KDM4B: variants seen among roughly 807,000 people sequenced by gnomAD.
KDM4B encodes the protein lysine demethylase 4B.
In KDM4B, 32 loss-of-function variants were observed where a neutral mutation model predicts 125.2. That is an observed-to-expected ratio of 0.26 (90% CI 0.19 to 0.34). KDM4B has a LOEUF of 0.34. Ranked by LOEUF, KDM4B falls within the 10% of genes least tolerant of loss-of-function variation. The pLI, the probability that KDM4B is intolerant of heterozygous loss-of-function variation, is 1.00. For synonymous variants in KDM4B, 721 were observed against 677.9 expected (o/e 1.06, Z -0.99); for missense variants, 1,190 against 1,577.7 (o/e 0.75, Z 4.16).
intron 11 of KDM4B, among the ~76,000 whole-genome samples, chr19:5,128,841 T>C (rs1285957914): frequency 4.6e-5 from 4 of 87,146 alleles, no homozygotes; most frequent in Non-Finnish European, 6.3e-5. Context: ...AGGGGCCAGA[T>C]AACAGTGGAG....
chr19:5,038,811 C>T lies in KDM4B; in HGVS notation c.142-1025C>T, dbSNP rs144360438. Among the ~76,000 whole-genome samples the T allele has an allele frequency of 7.5e-3, 1,136 of 152,384 alleles. 11 individuals are homozygous for T. Among genetic ancestry groups the T allele is most frequent in the African/African-American group, 0.026 (1,081 of 41,592 alleles). On this transcript the variant is annotated intron_variant, in intron 3 of 22. Transcript: ENST00000159111. ...GCACGCTCTGCACAGTGCCCAGCTC[C>T]GCACAGCTCCTGTCCTGCCTCACGG...
chr19:5,118,056 C>T (rs1390574397), intron 10 of KDM4B, among the ~76,000 whole-genome samples: 1 of 152,102 alleles, frequency 6.6e-6, no homozygotes. Context: ...TCCAAGTGTC[C>T]CGAGGGAGCA....
intron 10 of KDM4B, chr19:5,112,688 C>T (rs1271156625): frequency 6.6e-6 from 1 of 152,384 alleles, no homozygotes; most frequent in Non-Finnish European, 1.5e-5. Context: ...CCTCCTCTGT[C>T]TTCCCCACCT....
chr19:5,026,724 G>C (rs1014765705), intron 2 of KDM4B, among the ~76,000 whole-genome samples: 1 of 152,168 alleles, frequency 6.6e-6, no homozygotes, highest in South Asian at 2.1e-4. Flanking sequence ...GTGGGCACAA[G>C]GCAGTTTTGT....
At chr19:5,060,333 G>GGA (rs2037546161) in intron 6 of KDM4B, among the ~76,000 whole-genome samples, 1 of 150,878 alleles carries the variant, frequency 6.6e-6, no homozygotes, top group Non-Finnish European at 1.5e-5. Flanking sequence ...CAGCTACTCG[G>GGA]GAGGCTGAGA....
chr19:5,103,599 C>T (rs1407159293), intron 9 of KDM4B, among the ~76,000 whole-genome samples: 1 of 152,206 alleles, frequency 6.6e-6, no homozygotes, highest in African/African-American at 2.4e-5. Context: ...TCCAGGTCCC[C>T]TGAACTCGAC....
rs1017700161 is a variant in KDM4B at position 5,122,246 on chromosome 19, G to A, written c.1315+2394G>A. Among the ~76,000 whole-genome samples, 30 of 152,272 alleles carry A rather than the reference G, an allele frequency of 2.0e-4. 1 individual carries two copies. The highest frequency in any genetic ancestry group is 1.9e-3 in the Admixed American group (29 of 15,298). On this transcript the variant is annotated intron_variant, in intron 11 of 22. Coordinates refer to ENST00000159111, the MANE Select transcript of KDM4B (RefSeq NM_015015.3). Reference sequence around the variant, plus strand: ...CAGAGCCCCTTCCTCCTCCTTCACAGCCACAGTGCAGCCTCTTCCGGTCTC... The same window carrying A: ...CAGAGCCCCTTCCTCCTCCTTCACAACCACAGTGCAGCCTCTTCCGGTCTC...
chr19:5,067,874 C>T (rs1380344689), intron 6 of KDM4B, among the ~76,000 whole-genome samples: 1 of 152,062 alleles, frequency 6.6e-6, no homozygotes, highest in Non-Finnish European at 1.5e-5. Context: ...CCTGGGGTCA[C>T]GGGCAGGCAA....
At chr19:5,034,350 A>T (rs945487012) in intron 3 of KDM4B, among the ~76,000 whole-genome samples, 14 of 152,158 alleles carry the variant, frequency 9.2e-5, no homozygotes, top group Non-Finnish European at 2.9e-5. Context: ...GTTGGCGGGC[A>T]GTCTCTACAC....
Position 5,110,602 on chromosome 19 carries a change from G to T in KDM4B, c.919-20G>T. On this transcript the variant is annotated intron_variant, in intron 9 of 22. Coordinates refer to ENST00000159111, the MANE Select transcript of KDM4B (RefSeq NM_015015.3). ...CGTCCAGGTGTGGCGCGAGGGCTCA[G>T]ACCGTGTCCCCTGCCGCAGTGCACG... 1 of 1,612,454 alleles carries T rather than the reference G, an allele frequency of 6.2e-7. No individual in the cohort carries two copies. Among genetic ancestry groups the T allele is most frequent in the South Asian group, 1.1e-5 (1 of 90,920 alleles).
chr19:5,019,582 GTGT>G (rs1162282236), intron 2 of KDM4B, among the ~76,000 whole-genome samples: 2 of 148,872 alleles, frequency 1.3e-5, no homozygotes, highest in African/African-American at 5.0e-5. Flanking sequence ...TGGTGTGCAG[GTGT>G]TGGTGTGCGG....
chr19:4,990,534 G>T (rs1472342101), intron 1 of KDM4B, among the ~76,000 whole-genome samples: 2 of 152,208 alleles, frequency 1.3e-5, no homozygotes, highest in African/African-American at 4.8e-5. Context: ...TCCTGGGGCC[G>T]TGGAGAGCTC....
At chr19:5,059,477 G>A (rs1486231052) in intron 6 of KDM4B, among the ~76,000 whole-genome samples, 2 of 152,204 alleles carry the variant, frequency 1.3e-5, no homozygotes, top group East Asian at 1.9e-4. Flanking sequence ...AAACCCTCCC[G>A]GAGCTCCAGA....
Position 5,100,405 on chromosome 19 carries a change from TTTG to T in KDM4B, c.919-10194_919-10192del, listed in dbSNP as rs141464434. 1.6e-3 allele frequency among the ~76,000 whole-genome samples: 243 copies of T among 152,152 alleles called. 2 individuals carry two copies. Among genetic ancestry groups the T allele is most frequent in the Non-Finnish European group, 2.7e-3 (186 of 67,976 alleles). On this transcript the variant is annotated intron_variant, in intron 9 of 22. Transcript: ENST00000159111. ...CGTTTTCTACGTTGTCTTTTTTGTT[TTTG>T]TTGTTGTTGTTGTTGTTGTTGTCTT... is the stretch of plus-strand genomic sequence containing the variant.
chr19:5,000,903 G>A (rs753712207), intron 1 of KDM4B, among the ~76,000 whole-genome samples: 169 of 152,264 alleles, frequency 1.1e-3, no homozygotes, highest in African/African-American at 2.0e-3. Context: ...AGGCATGGGC[G>A]GAGAAGTGTC....
chr19:5,045,687 A>G lies in KDM4B; in HGVS notation c.433-1789A>G, dbSNP rs186476039. On this transcript the variant is annotated intron_variant, in intron 5 of 22. Coordinates refer to ENST00000159111, the MANE Select transcript of KDM4B (RefSeq NM_015015.3). ...ATGGGGTTTCACCATGTTGGCCAGG[A>G]TGGTCTCAATCTCTTGACTTCGTGA... is the stretch of plus-strand genomic sequence containing the variant. Among the ~76,000 whole-genome samples the G allele has an allele frequency of 1.1e-4, 17 of 151,940 alleles. No individual in the cohort carries two copies. In the East Asian group the frequency reaches 2.1e-3, roughly 19 times the overall value.
Position 5,085,620 on chromosome 19 carries a change from C to T in KDM4B, c.918+3116C>T, listed in dbSNP as rs145630055. On this transcript the variant is annotated intron_variant, in intron 9 of 22. Coordinates refer to ENST00000159111, the MANE Select transcript of KDM4B (RefSeq NM_015015.3). Reference sequence around the variant, plus strand: ...CAAGTGGCGTGCAGCGCTCGAAACACACCAGGGGTTCCAGGCAGGCGCCCA... The same window carrying T: ...CAAGTGGCGTGCAGCGCTCGAAACATACCAGGGGTTCCAGGCAGGCGCCCA... Among the ~76,000 whole-genome samples, 655 of 152,370 alleles carry T rather than the reference C, an allele frequency of 4.3e-3. 1 individual carries two copies. Among genetic ancestry groups the T allele is most frequent in the Non-Finnish European group, 6.4e-3 (436 of 68,034 alleles).
chr19:5,052,352 TGGGGGTGGGGGTGGG>T (rs2037255169), intron 6 of KDM4B, among the ~76,000 whole-genome samples: 1 of 5,038 alleles, frequency 2.0e-4, no homozygotes, highest in African/African-American at 6.7e-4. Flanking sequence ...CTCCAGACAC[TGGGGGTGGGGGTGGG>T]GAGGGTGGGG....
chr19:5,108,767 G>A (rs2039083699), intron 9 of KDM4B, among the ~76,000 whole-genome samples: 2 of 152,344 alleles, frequency 1.3e-5, no homozygotes, highest in Non-Finnish European at 2.9e-5. Context: ...TGATGGAGAG[G>A]CAGAAAGTTC....
Sources: allele counts gnomAD v4.1 joint callset (sites outside exome capture counted in the v4.1 genomes callset), GRCh38; gene constraint gnomAD v4.1.1; transcripts MANE v1.5; gene names NCBI Gene and HGNC (gene_info 2026-07-23, HGNC 2026-07-21).